Variants in DRC2 observed in about 807,000 individuals in gnomAD.
DRC2 encodes coiled-coil domain containing 65.
chr12:48,904,945 G>C, the DRC2 span: 1 of 1,595,552 alleles, frequency 6.3e-7, no homozygotes, highest in Non-Finnish European at 8.6e-7. Context: ...CCTTCACACA[G>C]GACAAGCTGG....
chr12:48,904,608 C>A, the DRC2 span: 1 of 1,274,112 alleles, frequency 7.8e-7, no homozygotes, highest in Non-Finnish European at 1.1e-6. Flanking sequence ...TTTCAGGCAA[C>A]ATTGTTTGGG....
chr12:48,918,325 A>G, the DRC2 span: 142 of 1,614,196 alleles, frequency 8.8e-5, no homozygotes, highest in East Asian at 3.0e-3. Context: ...ACAGAGTAGA[A>G]GATCTGTGGA....
At chr12:48,904,833 C>T in the DRC2 span, 2 of 871,054 alleles carry the variant, frequency 2.3e-6, no homozygotes, top group Non-Finnish European at 3.4e-6. Context: ...TAAATGCCAT[C>T]AGGCCGTTCC....
At chr12:48,906,947 G>A in the DRC2 span, among the ~76,000 whole-genome samples, 1 of 151,848 alleles carries the variant, frequency 6.6e-6, no homozygotes. Flanking sequence ...CAGGCACGGT[G>A]GCTCAAGCCT....
At chr12:48,921,324 A>G in the DRC2 span, 4 of 1,614,082 alleles carry the variant, frequency 2.5e-6, no homozygotes, top group African/African-American at 1.3e-5. Context: ...CATCTCAGTG[A>G]GTGACGAAGT....
chr12:48,909,037 CTT>C, the DRC2 span, among the ~76,000 whole-genome samples: 100 of 82,386 alleles, frequency 1.2e-3, no homozygotes, highest in African/African-American at 4.6e-3. Flanking sequence ...TTTTCTTTCT[CTT>C]TTTTTTTTTT....
At chr12:48,916,058 C>G in the DRC2 span, among the ~76,000 whole-genome samples, 6 of 147,270 alleles carry the variant, frequency 4.1e-5, no homozygotes, top group African/African-American at 1.5e-4. Context: ...CGGGAAGAGG[C>G]GCTCCTCACT....
the DRC2 span, among the ~76,000 whole-genome samples, chr12:48,909,639 A>G: frequency 1.3e-5 from 2 of 151,554 alleles, no homozygotes; most frequent in African/African-American, 4.9e-5. Context: ...CACGACACTC[A>G]GCTAATTTTT....
At chr12:48,920,530 T>A in the DRC2 span, among the ~76,000 whole-genome samples, 6 of 150,560 alleles carry the variant, frequency 4.0e-5, no homozygotes, top group African/African-American at 1.2e-4. Context: ...AATGATTTTT[T>A]TTTTTTTTTG....
the DRC2 span, among the ~76,000 whole-genome samples, chr12:48,919,839 G>A: frequency 5.9e-5 from 9 of 151,714 alleles, no homozygotes; most frequent in African/African-American, 2.4e-5. Context: ...GAAATGAATT[G>A]GCCAGGCATG....
At chr12:48,913,580 C>T in the DRC2 span, among the ~76,000 whole-genome samples, 4 of 151,716 alleles carry the variant, frequency 2.6e-5, no homozygotes. Flanking sequence ...GCAACCTCTG[C>T]CTCCCAGGTT....
At chr12:48,906,678 G>A in the DRC2 span, among the ~76,000 whole-genome samples, 1 of 151,944 alleles carries the variant, frequency 6.6e-6, no homozygotes, top group African/African-American at 2.4e-5. Context: ...CGATTCTCCT[G>A]CCTCAACCTC....
the DRC2 span, among the ~76,000 whole-genome samples, chr12:48,913,357 G>A: frequency 4.0e-5 from 6 of 151,736 alleles, no homozygotes; most frequent in Non-Finnish European, 7.4e-5. Context: ...ATGCTGGAGT[G>A]CAGTGGCGTG....
At chr12:48,921,248 T>C in the DRC2 span, 9 of 1,614,148 alleles carry the variant, frequency 5.6e-6, no homozygotes, top group African/African-American at 5.3e-5. Context: ...GCCTCCAACA[T>C]AGACGAGCCC....
the DRC2 span, among the ~76,000 whole-genome samples, chr12:48,908,570 G>GATTATT: frequency 3.4e-3 from 473 of 141,058 alleles, 1 homozygote; most frequent in Middle Eastern, 0.014. Context: ...GAACTACCAG[G>GATTATT]ATTATTATTA....
the DRC2 span, among the ~76,000 whole-genome samples, chr12:48,920,111 TAAAAAAA>T: frequency 6.6e-4 from 21 of 32,058 alleles, no homozygotes; most frequent in Admixed American, 1.6e-3. Flanking sequence ...AGACCCTGTC[TAAAAAAA>T]AAAAAAAAAA....
chr12:48,909,692 G>A, the DRC2 span, among the ~76,000 whole-genome samples: 1 of 151,698 alleles, frequency 6.6e-6, no homozygotes. Flanking sequence ...TGGCCAGCTG[G>A]TCTCGAACTC....
the DRC2 span, chr12:48,921,126 T>C: frequency 6.2e-7 from 1 of 1,610,378 alleles, no homozygotes; most frequent in Admixed American, 1.7e-5. Flanking sequence ...CATTTGCTAA[T>C]GGGTCTCGCT....
the DRC2 span, chr12:48,918,078 C>T: frequency 1.3e-4 from 73 of 548,204 alleles, no homozygotes; most frequent in South Asian, 1.7e-3. Flanking sequence ...AGCATTTCCT[C>T]TCCAGTTCAC....
Sources: gnomAD v4.1 joint callset for allele counts (sites outside exome capture counted in the v4.1 genomes callset) on GRCh38, gnomAD v4.1.1 for gene constraint, MANE v1.5 for transcripts, NCBI Gene and HGNC (gene_info 2026-07-23, HGNC 2026-07-21) for gene names.